The following SGCD variants were observed in gnomAD, a reference collection of about 807,000 sequenced individuals.
SGCD encodes the protein delta-sarcoglycan.
SGCD carries 18 observed loss-of-function variants against 36.6 expected under a neutral mutation model. The observed-to-expected ratio is 0.49, with a 90% CI of 0.34 to 0.73. SGCD has a LOEUF of 0.73. SGCD is among the 30% of genes least tolerant of loss of function. SGCD has a pLI of 0.01. For missense variants in SGCD, 387 were observed against 346.7 expected (o/e 1.12, Z -0.92); for synonymous variants, 133 against 130.6 (o/e 1.02, Z -0.12).
At chr5:156,648,931 T>G (rs1364480030) in intron 7 of SGCD, among the ~76,000 whole-genome samples, 1 of 152,166 alleles carries the variant, frequency 6.6e-6, no homozygotes, top group Non-Finnish European at 1.5e-5. Context: ...GTTCCCATTC[T>G]TTTCACAGTC....
chr5:156,023,060 C>T (rs1161008179), intron 1 of SGCD, among the ~76,000 whole-genome samples: 2 of 152,232 alleles, frequency 1.3e-5, no homozygotes, highest in Non-Finnish European at 2.9e-5. Context: ...TGCATTATAA[C>T]TCCATGACCC....
chr5:156,115,484 A>G (rs1054736688), intron 1 of SGCD, among the ~76,000 whole-genome samples: 1 of 152,084 alleles, frequency 6.6e-6, no homozygotes, highest in Non-Finnish European at 1.5e-5. Context: ...CACCCATAGT[A>G]ACACTTCTTT....
chr5:156,176,006 T>C (rs148539774), intron 3 of SGCD, among the ~76,000 whole-genome samples: 159 of 152,142 alleles, frequency 1.0e-3, no homozygotes, highest in African/African-American at 3.7e-3. Flanking sequence ...ATAGAATAAG[T>C]AGAATTATTG....
chr5:156,573,407 C>G (rs1190930075), intron 4 of SGCD, among the ~76,000 whole-genome samples: 1 of 152,184 alleles, frequency 6.6e-6, no homozygotes, highest in Admixed American at 6.5e-5. Flanking sequence ...TCATGACTGC[C>G]CCACCCAGGT....
At chr5:156,642,461 C>CTTTTTTT (rs58501471) in intron 6 of SGCD, among the ~76,000 whole-genome samples, 1 of 80,046 alleles carries the variant, frequency 1.2e-5, no homozygotes, top group African/African-American at 5.8e-5. Flanking sequence ...CAGCATCAGT[C>CTTTTTTT]TTTTTTTTTT....
chr5:156,173,682 C>T (rs1365942442), intron 3 of SGCD, among the ~76,000 whole-genome samples: 2 of 151,944 alleles, frequency 1.3e-5, no homozygotes, highest in Admixed American at 6.6e-5. Context: ...AATTTTGATG[C>T]AGAAAAACCT....
At chr5:156,390,877 A>G (rs1038454808) in intron 3 of SGCD, among the ~76,000 whole-genome samples, 3 of 152,268 alleles carry the variant, frequency 2.0e-5, no homozygotes, top group African/African-American at 7.2e-5. Context: ...CAAAATGCTT[A>G]CAAAAATAAA....
chr5:156,451,753 A>G (rs1210168895), intron 3 of SGCD, among the ~76,000 whole-genome samples: 1 of 152,186 alleles, frequency 6.6e-6, no homozygotes. Context: ...TCAAACTACA[A>G]TATGGTACAG....
chr5:156,087,657 A>AAC (rs1423981546), intron 1 of SGCD, among the ~76,000 whole-genome samples: 1 of 151,878 alleles, frequency 6.6e-6, no homozygotes, highest in African/African-American at 2.4e-5. Flanking sequence ...AAAAAAAAAA[A>AAC]AAAACTAGTT....
upstream of SGCD, among the ~76,000 whole-genome samples, chr5:156,326,054 A>C (rs1229172052): frequency 1.3e-5 from 2 of 152,226 alleles, no homozygotes; most frequent in Non-Finnish European, 2.9e-5. Flanking sequence ...TGTTAATACC[A>C]AAAACAGAAA....
intron 3 of SGCD, among the ~76,000 whole-genome samples, chr5:156,272,167 C>T (rs879266003): frequency 2.0e-5 from 3 of 152,140 alleles, no homozygotes; most frequent in Admixed American, 6.5e-5. Context: ...TTACACCCTT[C>T]TCAATCTTCC....
chr5:156,612,804 G>T (rs967407464), intron 6 of SGCD, among the ~76,000 whole-genome samples: 3 of 152,200 alleles, frequency 2.0e-5, no homozygotes, highest in Admixed American at 1.3e-4. Context: ...ATGCTGTGGT[G>T]CTGTAGCCAC....
At chr5:156,517,036 G>A (rs1042081112) in intron 4 of SGCD, among the ~76,000 whole-genome samples, 3 of 152,056 alleles carry the variant, frequency 2.0e-5, no homozygotes, top group Non-Finnish European at 2.9e-5. Context: ...GGGTAATAAC[G>A]GACTTCTTTG....
rs113243314 is a variant in SGCD at position 156,588,988 on chromosome 5, T to TTGTG, written c.295-210_295-207dup. On this transcript the variant is annotated intron_variant, in intron 4 of 8. Coordinates refer to ENST00000337851, the MANE Select transcript of SGCD (RefSeq NM_000337.6). ...TGTGTGTGTTCTGGGGGAATCTATA[T>TTGTG]TGTGTGTGTGTGTGTGTGTGTGTGT... 0.093 allele frequency among the ~76,000 whole-genome samples: 13,319 copies of TTGTG among 143,066 alleles called. 640 individuals are homozygous for TTGTG. The highest frequency in any genetic ancestry group is 0.12 in the Non-Finnish European group (7,516 of 65,138). The allele number at this position is 143,066 out of a possible 152,430, so 93.9% of individuals were successfully genotyped here.
At chr5:156,656,031 T>TA (rs936245062) in intron 7 of SGCD, among the ~76,000 whole-genome samples, 1 of 152,114 alleles carries the variant, frequency 6.6e-6, no homozygotes, top group African/African-American at 2.4e-5. Flanking sequence ...AAGTAGACGG[T>TA]AAAATCTTCT....
At chr5:156,722,661 T>G (rs1473730313) in intron 7 of SGCD, among the ~76,000 whole-genome samples, 1 of 152,236 alleles carries the variant, frequency 6.6e-6, no homozygotes, top group African/African-American at 2.4e-5. Flanking sequence ...AGCTTGGAGT[T>G]TATCTTATCC....
At position 156,485,993 on chromosome 5, in the gene SGCD, A is replaced by C. The variant is rs149697389; in HGVS notation, c.193-22608A>C. Among the ~76,000 whole-genome samples, 437 of 152,290 alleles carry C rather than the reference A, an allele frequency of 2.9e-3. 1 individual carries two copies. Among genetic ancestry groups the C allele is most frequent in the African/African-American group, 0.01 (429 of 41,572 alleles). On this transcript the variant is annotated intron_variant, in intron 3 of 8. Transcript: ENST00000337851. ...TTTGCAGGTCCTGAAACTAGTATAG[A>C]GAGATACCATGCAACAGCAGTGTTC...
chr5:155,975,540 A>T (rs1364961822), intron 1 of SGCD, among the ~76,000 whole-genome samples: 1 of 136,458 alleles, frequency 7.3e-6, no homozygotes, highest in Non-Finnish European at 1.6e-5. Context: ...TCATGAATGG[A>T]TGTTGAATTT....
chr5:156,077,533 C>T (rs755151028), intron 1 of SGCD, among the ~76,000 whole-genome samples: 6 of 152,118 alleles, frequency 3.9e-5, no homozygotes, highest in Non-Finnish European at 8.8e-5. Context: ...ACTTCTTTGG[C>T]CTAGTCAACT....
Sources: gnomAD v4.1 joint callset for allele counts (sites outside exome capture counted in the v4.1 genomes callset) on GRCh38, gnomAD v4.1.1 for gene constraint, MANE v1.5 for transcripts, NCBI Gene and HGNC (gene_info 2026-07-23, HGNC 2026-07-21) for gene names.